The following ANKRD7 variants were observed in gnomAD, a reference collection of about 807,000 sequenced individuals.
ANKRD7 encodes the protein ankyrin repeat domain-containing protein 7.
In ANKRD7, 30 loss-of-function variants were observed where a neutral mutation model predicts 30.8. That is an observed-to-expected ratio of 0.97 (90% CI 0.73 to 1.32). The LOEUF is 1.32. Ranked by LOEUF, ANKRD7 falls within the 40% of genes most tolerant of loss-of-function variation. ANKRD7 has a pLI of 0.00. For synonymous variants in ANKRD7, 97 were observed against 106.6 expected, an observed-to-expected ratio of 0.91 and a Z score of 0.55; for missense variants, 264 against 295.7, an observed-to-expected ratio of 0.89 and a Z score of 0.79.
rs755800468 is a variant in ANKRD7 at position 118,236,045 on chromosome 7, G to A, written c.473G>A (p.Gly158Glu). ...ATTTTTAAATATTTTTTTCAGGATG[G>A]GTATACTCCACTATTAGTTGCCGTT... ...EADLEAKNKD[G>E]YTPLLVAVIN... Residue 158 changes from glycine (G) to glutamate (E), a missense_variant, in exon 4 of 7, where the codon GGG (glycine) becomes GAG (glutamate). Transcript: ENST00000265224. 6.6e-7 allele frequency: 1 copy of A among 1,523,026 alleles called. No individual in the cohort carries two copies. Among genetic ancestry groups the A allele is most frequent in the Non-Finnish European group, 9.0e-7 (1 of 1,110,874 alleles). The allele number at this position is 1,523,026 out of a possible 1,614,324, so 94.3% of individuals were successfully genotyped here.
At chr7:118,231,667 A>G (rs1157360305) in intron 1 of ANKRD7, among the ~76,000 whole-genome samples, 1 of 152,110 alleles carries the variant, frequency 6.6e-6, no homozygotes, top group Admixed American at 6.5e-5. Flanking sequence ...CAGCTTTCAA[A>G]GTAATCTTTC....
chr7:118,233,868 G>C (rs1158121158), intron 1 of ANKRD7, among the ~76,000 whole-genome samples: 1 of 152,046 alleles, frequency 6.6e-6, no homozygotes, highest in Non-Finnish European at 1.5e-5. Flanking sequence ...TTTCCGGTAG[G>C]CTACCTAGAA....
At chr7:118,226,873 A>G (rs1562871264) in intron 1 of ANKRD7, among the ~76,000 whole-genome samples, 1 of 152,222 alleles carries the variant, frequency 6.6e-6, no homozygotes, top group African/African-American at 2.4e-5. Context: ...AAGTGAACCT[A>G]CACAGTTCAA....
chr7:118,234,204 A>C (rs1809687360), intron 1 of ANKRD7, among the ~76,000 whole-genome samples: 1 of 152,154 alleles, frequency 6.6e-6, no homozygotes, highest in African/African-American at 2.4e-5. Context: ...ATTATAGTTA[A>C]ATTTTCCTTG....
intron 1 of ANKRD7, among the ~76,000 whole-genome samples, chr7:118,231,775 A>G (rs1809642983): frequency 2.0e-5 from 3 of 152,014 alleles, no homozygotes; most frequent in Non-Finnish European, 4.4e-5. Context: ...TATGCTGACA[A>G]TTTTTCCATC....
intron 6 of ANKRD7, among the ~76,000 whole-genome samples, chr7:118,241,160 CAAAAAAAAAA>C (rs60703234): frequency 9.2e-5 from 2 of 21,848 alleles, no homozygotes; most frequent in East Asian, 1.3e-3. Flanking sequence ...GACTCCGTCT[CAAAAAAAAAA>C]AAAAAAAAAA....
intron 3 of ANKRD7, among the ~76,000 whole-genome samples, chr7:118,235,837 C>T (rs1386703296): frequency 6.6e-6 from 1 of 152,082 alleles, no homozygotes; most frequent in African/African-American, 2.4e-5. Flanking sequence ...AAGCCTAAAA[C>T]AGGAACTTAA....
At chr7:118,237,810 G>A (rs191772424) in intron 5 of ANKRD7, among the ~76,000 whole-genome samples, 10 of 152,024 alleles carry the variant, frequency 6.6e-5, no homozygotes, top group South Asian at 2.1e-4. Flanking sequence ...TTTCATCTTC[G>A]TAATACAGAA....
At chr7:118,225,147 T>G (rs1391226007) in intron 1 of ANKRD7, 138 bp downstream of exon 1, 2 of 974,216 alleles carry the variant, frequency 2.1e-6, no homozygotes, top group Non-Finnish European at 3.0e-6. Flanking sequence ...TGGTAACCAT[T>G]GGCAGAGGGT....
intron 1 of ANKRD7, among the ~76,000 whole-genome samples, chr7:118,226,175 C>T (rs1433114808): frequency 2.6e-5 from 4 of 152,212 alleles, no homozygotes; most frequent in African/African-American, 9.6e-5. Flanking sequence ...TAGCTTCATA[C>T]CCAGTTTAGC....
intron 1 of ANKRD7, among the ~76,000 whole-genome samples, chr7:118,230,885 C>T (rs1809625403): frequency 6.6e-6 from 1 of 151,808 alleles, no homozygotes; most frequent in South Asian, 2.1e-4. Context: ...TCTGAAACCT[C>T]ATGTAAGCAT....
Position 118,228,122 on chromosome 7 carries a change from A to G in ANKRD7, c.179+3113A>G, listed in dbSNP as rs925318102. On this transcript the variant is annotated intron_variant, in intron 1 of 6. Coordinates refer to ENST00000265224, the MANE Select transcript of ANKRD7 (RefSeq NM_019644.4). ...TATTGTCTTTCAGAACACTGGGGCCATCTGGCATTTCTCCTAATTCTGTGG... is the reference window on the plus strand; with the variant it reads ...TATTGTCTTTCAGAACACTGGGGCCGTCTGGCATTTCTCCTAATTCTGTGG... 4 of 1,147,062 alleles carry G rather than the reference A, an allele frequency of 3.5e-6. No homozygotes were observed. In the African/African-American group the frequency reaches 4.9e-5, roughly 14 times the overall value. 71.1% of individuals were successfully genotyped at this position (1,147,062 alleles called of 1,614,324 possible).
chr7:118,240,303 C>A (rs1809806885), intron 6 of ANKRD7, among the ~76,000 whole-genome samples: 1 of 152,082 alleles, frequency 6.6e-6, no homozygotes, highest in South Asian at 2.1e-4. Context: ...CCAGTGCTAT[C>A]CTTCCCCCCT....
intron 6 of ANKRD7, among the ~76,000 whole-genome samples, chr7:118,240,675 AATAG>A (rs1809816984): frequency 6.6e-6 from 1 of 152,178 alleles, no homozygotes; most frequent in Non-Finnish European, 1.5e-5. Flanking sequence ...TATATATTTT[AATAG>A]ATGAAAAACT....
At chr7:118,235,899 A>AT (rs1324122420) in intron 3 of ANKRD7, 142 bp from the exon 4 acceptor site, 4 of 510,176 alleles carry the variant, frequency 7.8e-6, no homozygotes, top group Non-Finnish European at 1.4e-5. Flanking sequence ...TTGAAATCAC[A>AT]TTTTTTTATG....
At chr7:118,238,362 A>G (rs1255617914) in intron 5 of ANKRD7, among the ~76,000 whole-genome samples, 1 of 152,122 alleles carries the variant, frequency 6.6e-6, no homozygotes, top group Non-Finnish European at 1.5e-5. Flanking sequence ...TGATTAAGCA[A>G]TTACCTCTGG....
At chr7:118,227,578 G>A (rs62468161) in intron 1 of ANKRD7, among the ~76,000 whole-genome samples, 15,313 of 152,124 alleles carry the variant, frequency 0.1, 918 homozygotes, top group East Asian at 0.19. Flanking sequence ...AGGGTACTTC[G>A]GGGTTTCCTA....
intron 1 of ANKRD7, among the ~76,000 whole-genome samples, chr7:118,226,708 C>A (rs1235974142): frequency 6.6e-6 from 1 of 152,140 alleles, no homozygotes; most frequent in African/African-American, 2.4e-5. Context: ...ATAAAATAGA[C>A]TGATATCTAC....
rs1282668666 is a variant in ANKRD7 at position 118,229,547 on chromosome 7, A to G, written c.179+4538A>G. On this transcript the variant is annotated intron_variant, in intron 1 of 6. Transcript: ENST00000265224. ...AGGATGAATACATACATATATACACATATAAATGGGAGAACTTAAGGATAC... is the reference window on the plus strand; with the variant it reads ...AGGATGAATACATACATATATACACGTATAAATGGGAGAACTTAAGGATAC... Among the ~76,000 whole-genome samples the G allele has an allele frequency of 2.6e-5, 4 of 152,268 alleles. No individual in the cohort carries two copies. In the East Asian group the frequency reaches 7.7e-4, roughly 29 times the overall value.
Sources: gnomAD v4.1 joint callset for allele counts (sites outside exome capture counted in the v4.1 genomes callset) on GRCh38, gnomAD v4.1.1 for gene constraint, MANE v1.5 for transcripts, NCBI Gene and HGNC (gene_info 2026-07-23, HGNC 2026-07-21) for gene names.